PALM2AKAP2: variants seen among roughly 807,000 people sequenced by gnomAD.
PALM2AKAP2 encodes the protein PALM2 and AKAP2 fusion.
PALM2AKAP2 carries 37 observed loss-of-function variants against 71.5 expected under a neutral mutation model. That is an observed-to-expected ratio of 0.52 (90% CI 0.40 to 0.68). The LOEUF (loss-of-function observed/expected upper bound fraction) is 0.68, where lower values mean the gene tolerates loss of function less well. Ranked by LOEUF, PALM2AKAP2 falls within the 30% of genes least tolerant of loss-of-function variation. The pLI is 0.00. For missense variants in PALM2AKAP2, 1,224 were observed against 1,191.8 expected (o/e 1.03, Z -0.40); for synonymous variants, 468 against 478.8 (o/e 0.98, Z 0.29).
Position 109,806,463 on chromosome 9 carries a change from G to T in PALM2AKAP2, c.45+25930G>T, listed in dbSNP as rs151199996. ...TCTGCCCTCACGGAGCTTGCATTCT[G>T]GTGGGAGACTAGGGAAGAATAATTT... is the stretch of plus-strand genomic sequence containing the variant. On this transcript the variant is annotated intron_variant, in intron 1 of 9. Transcript: ENST00000302798. 1.4e-4 allele frequency among the ~76,000 whole-genome samples: 22 copies of T among 152,308 alleles called. No homozygotes were observed. The East Asian group carries it at 3.7e-3, about 25-fold the overall frequency.
rs552002513 is a variant in PALM2AKAP2, at chr9:109,962,796, C to A, written c.496+30768C>A. Among the ~76,000 whole-genome samples the A allele has an allele frequency of 4.1e-4, 63 of 152,308 alleles. 1 individual carries two copies. Among genetic ancestry groups the A allele is most frequent in the African/African-American group, 1.4e-3 (60 of 41,562 alleles). On this transcript the variant is annotated intron_variant, in intron 6 of 9. Transcript: ENST00000302798. The stretch of plus-strand genomic sequence containing the variant: ...TAGTTGGGATTACAGGTGCATGCGA[C>A]CAAGCCTGGCCAACTTTTGTATTTT...
rs1361203305 is a variant in PALM2AKAP2 at position 109,931,912 on chromosome 9, G to C, written c.395-15G>C. 6.2e-7 allele frequency: 1 copy of C among 1,613,102 alleles called. No homozygotes were observed. The highest frequency in any genetic ancestry group is 1.7e-5 in the Admixed American group (1 of 59,954). On this transcript the variant is annotated splice_polypyrimidine_tract_variant and intron_variant, in intron 5 of 9. Coordinates refer to the PALM2AKAP2 transcript ENST00000302798. ...AACACTGTGACTAATTGTATTCCCT[G>C]TTCTCTGCTACCAGATGCAGTAAAT...
intron 1 of PALM2AKAP2, among the ~76,000 whole-genome samples, chr9:109,848,721 C>T (rs1460901925): frequency 6.6e-6 from 1 of 150,718 alleles, no homozygotes; most frequent in Non-Finnish European, 1.5e-5. Flanking sequence ...ACAGAAGGAT[C>T]GCTTGAGCCC....
At chr9:109,898,560 T>G (rs1830257861) in intron 3 of PALM2AKAP2, among the ~76,000 whole-genome samples, 1 of 152,252 alleles carries the variant, frequency 6.6e-6, no homozygotes, top group Non-Finnish European at 1.5e-5. Context: ...CACTATTGTT[T>G]GTTGAATTAT....
intron 1 of PALM2AKAP2, among the ~76,000 whole-genome samples, chr9:109,678,040 G>A (rs548983799): frequency 6.6e-6 from 1 of 152,142 alleles, no homozygotes; most frequent in African/African-American, 2.4e-5. Flanking sequence ...GAGCAAGGAG[G>A]GGGGAAAACA....
intron 1 of PALM2AKAP2, among the ~76,000 whole-genome samples, chr9:110,052,496 T>A (rs945412012): frequency 2.0e-5 from 3 of 152,228 alleles, no homozygotes; most frequent in African/African-American, 7.2e-5. Flanking sequence ...GAATATATTA[T>A]AGGAAAGTTA....
chr9:110,139,461 T>G (rs1835975321), intron 2 of PALM2AKAP2, among the ~76,000 whole-genome samples: 1 of 152,220 alleles, frequency 6.6e-6, no homozygotes. Context: ...ATTTGAAAAC[T>G]CCTATTGCAA....
exon 2 of PALM2AKAP2, chr9:110,137,036 G>A (rs2119106048): frequency 6.2e-7 from 1 of 1,614,116 alleles, no homozygotes. Context: ...AAAGTACAAG[G>A]AGCGCAAAGA....
chr9:110,058,560 C>A (rs775936690), intron 1 of PALM2AKAP2, among the ~76,000 whole-genome samples: 4 of 152,064 alleles, frequency 2.6e-5, no homozygotes, highest in Non-Finnish European at 4.4e-5. Flanking sequence ...GGGGGAGGAA[C>A]GCAAATAATG....
At chr9:109,957,613 C>T (rs915193823) in intron 6 of PALM2AKAP2, among the ~76,000 whole-genome samples, 1 of 152,214 alleles carries the variant, frequency 6.6e-6, no homozygotes, top group Non-Finnish European at 1.5e-5. Flanking sequence ...AGCTGAGATG[C>T]ATTCCCACCT....
chr9:110,081,826 C>G (rs953903540), intron 1 of PALM2AKAP2, among the ~76,000 whole-genome samples: 1 of 151,998 alleles, frequency 6.6e-6, no homozygotes, highest in Non-Finnish European at 1.5e-5. Context: ...AGAGCCCTCA[C>G]GATGTTAGAG....
chr9:110,003,915 A>G (rs891738303), intron 6 of PALM2AKAP2, among the ~76,000 whole-genome samples: 1 of 152,076 alleles, frequency 6.6e-6, no homozygotes, highest in Non-Finnish European at 1.5e-5. Flanking sequence ...TTTTGAGCCT[A>G]TGTGTGTCTC....
At chr9:110,003,822 G>A (rs929945952) in intron 6 of PALM2AKAP2, among the ~76,000 whole-genome samples, 6 of 152,114 alleles carry the variant, frequency 3.9e-5, no homozygotes, top group Non-Finnish European at 8.8e-5. Context: ...TTGGTTTAAA[G>A]TCTGTTTTAT....
intron 1 of PALM2AKAP2, among the ~76,000 whole-genome samples, chr9:109,672,722 A>C (rs1430479706): frequency 1.3e-5 from 2 of 152,042 alleles, no homozygotes; most frequent in African/African-American, 4.8e-5. Flanking sequence ...TTGGCTATGA[A>C]TCCTTCTGGT....
At chr9:110,168,261 C>G in intron 3 of PALM2AKAP2, 138 bp from the exon 11 acceptor site, 1 of 1,044,180 alleles carries the variant, frequency 9.6e-7, no homozygotes, top group East Asian at 2.8e-5. Flanking sequence ...TCCAGCGTCT[C>G]TCCTATCTCC....
At chr9:109,797,604 T>G (rs1827298206) in intron 1 of PALM2AKAP2, among the ~76,000 whole-genome samples, 1 of 152,208 alleles carries the variant, frequency 6.6e-6, no homozygotes, top group Non-Finnish European at 1.5e-5. Flanking sequence ...ATGCACCAGC[T>G]TCAAGCAGCT....
chr9:109,933,242 T>C (rs776486939), intron 6 of PALM2AKAP2, among the ~76,000 whole-genome samples: 1 of 152,232 alleles, frequency 6.6e-6, no homozygotes, highest in Non-Finnish European at 1.5e-5. Flanking sequence ...AAGGACTCAC[T>C]GGCAGTCACT....
At chr9:109,643,892 G>A (rs1240385855) in intron 1 of PALM2AKAP2, among the ~76,000 whole-genome samples, 1 of 152,226 alleles carries the variant, frequency 6.6e-6, no homozygotes, top group Non-Finnish European at 1.5e-5. Flanking sequence ...TGGTACAGGA[G>A]TCAGCTCAGC....
chr9:109,987,153 C>T (rs974983294), intron 6 of PALM2AKAP2, among the ~76,000 whole-genome samples: 3 of 151,942 alleles, frequency 2.0e-5, no homozygotes, highest in African/African-American at 4.8e-5. Context: ...TTTTTTGAGA[C>T]AGAGTCTTGC....
Sources: gnomAD v4.1 joint callset for allele counts (sites outside exome capture counted in the v4.1 genomes callset) on GRCh38, gnomAD v4.1.1 for gene constraint, MANE v1.5 for transcripts, NCBI Gene and HGNC (gene_info 2026-07-23, HGNC 2026-07-21) for gene names.